Variants in CLSTN1 observed in about 807,000 individuals in gnomAD.
CLSTN1 encodes calsyntenin 1, also known as calsyntenin-1.
CLSTN1 carries 28 observed loss-of-function variants against 108.3 expected under a neutral mutation model. That is an observed-to-expected ratio of 0.26 (90% CI 0.19 to 0.35). The LOEUF (loss-of-function observed/expected upper bound fraction) is 0.35, where lower values mean the gene tolerates loss of function less well. Among genes scored for constraint, CLSTN1 ranks in the 10% least tolerant of loss-of-function variants. The probability of loss-of-function intolerance (pLI) is 1.00; values close to 1 mark genes in which losing one functional copy is unlikely to be tolerated. For synonymous variants in CLSTN1, 524 were observed against 534.9 expected, an observed-to-expected ratio of 0.98 and a Z score of 0.28; for missense variants, 1,157 against 1,302.6, an observed-to-expected ratio of 0.89 and a Z score of 1.72.
chr1:9,735,998 C>T lies in CLSTN1; in HGVS notation c.1621G>A (p.Gly541Ser), dbSNP rs1424213131. The part of the protein sequence containing the change: ...MTQFFRGNLA[G>S]LTLRSGKLAD... ...AGTTTCCCGGAACGGAGAGTTAAGC[C>T]AGCCAGATTGCCTCGGAAAAACTGG... The change falls in exon 12 of 19, where the codon GGC becomes AGC. Residue 541 changes from glycine to serine, a missense_variant. By Grantham distance (56) the Gly-to-Ser change is moderately conservative. Coordinates refer to ENST00000377298, the MANE Select transcript of CLSTN1 (RefSeq NM_001009566.3). The T allele has an allele frequency of 2.5e-6, 4 of 1,614,180 alleles. No individual in the cohort carries two copies. The highest frequency in any genetic ancestry group is 1.1e-5 in the South Asian group (1 of 91,078).
chr1:9,806,953 T>TAC (rs201621099), intron 1 of CLSTN1, among the ~76,000 whole-genome samples: 2,875 of 152,220 alleles, frequency 0.019, 41 homozygotes, highest in Non-Finnish European at 0.03. Context: ...TAAGTCTTTT[T>TAC]ACCTTACTTT....
intron 3 of CLSTN1, among the ~76,000 whole-genome samples, chr1:9,755,901 C>A (rs1453973146): frequency 1.3e-5 from 2 of 152,160 alleles, no homozygotes; most frequent in African/African-American, 4.8e-5. Flanking sequence ...AATACCGACT[C>A]GTCAGGCATC....
chr1:9,824,048 A>G (rs1054230216), upstream of CLSTN1: 1 of 142,342 alleles, frequency 7.0e-6, no homozygotes, highest in African/African-American at 2.6e-5. This position sits in a 1 kb window ranked among gnomAD's most constrained non-coding sequence, Gnocchi z 5.0. Flanking sequence ...ATGGGGAGCG[A>G]CGCGAGGCGC....
At position 9,735,463 on chromosome 1, in the gene CLSTN1, G is replaced by A. The variant is rs770938599; in HGVS notation, c.1883+4C>T. 2.3e-5 allele frequency: 37 copies of A among 1,614,046 alleles called. No homozygotes were observed. The highest frequency in any genetic ancestry group is 2.2e-4 in the East Asian group (10 of 44,892). ...CAGGCCGGCTGTTAAAAATCAGGACGTACTTGATTGTGCTGGTGATTTTGA... is the reference window on the plus strand; with the variant it reads ...CAGGCCGGCTGTTAAAAATCAGGACATACTTGATTGTGCTGGTGATTTTGA... On this transcript the variant is annotated splice_donor_region_variant and intron_variant, in intron 13 of 18. Transcript: ENST00000377298.
chr1:9,799,668 C>T (rs549879178), intron 1 of CLSTN1, among the ~76,000 whole-genome samples: 79 of 147,784 alleles, frequency 5.3e-4, no homozygotes, highest in Admixed American at 4.0e-3. Flanking sequence ...AAATGCCAGG[C>T]GCGGTGACTC....
At chr1:9,749,210 G>A (rs1047163857) in intron 7 of CLSTN1, among the ~76,000 whole-genome samples, 4 of 152,060 alleles carry the variant, frequency 2.6e-5, no homozygotes, top group African/African-American at 9.7e-5. Context: ...GGCCACCAGT[G>A]GTTCTTAAAA....
chr1:9,805,644 A>G (rs2101290565), intron 1 of CLSTN1, among the ~76,000 whole-genome samples: 1 of 152,258 alleles, frequency 6.6e-6, no homozygotes, highest in South Asian at 2.1e-4. Flanking sequence ...AGGCAAGTGG[A>G]TCACCTGAGG....
chr1:9,804,832 A>G (rs1385839326), intron 1 of CLSTN1, among the ~76,000 whole-genome samples: 1 of 152,022 alleles, frequency 6.6e-6, no homozygotes, highest in Non-Finnish European at 1.5e-5. Context: ...ACCCTGTCTT[A>G]AAAAAAGAAA....
In CLSTN1 at chr1:9,733,444, G is replaced by A; in HGVS notation, c.2384C>T (p.Ser795Leu). The A allele has an allele frequency of 1.2e-6, 2 of 1,614,202 alleles. No homozygotes were observed. The highest frequency in any genetic ancestry group is 1.7e-6 in the Non-Finnish European group (2 of 1,180,042). Residue 795 changes from serine to leucine, a missense_variant, in exon 16 of 19, where the codon TCA (serine) becomes TTA (leucine). By Grantham distance (145) the Ser-to-Leu change is moderately radical (BLOSUM62 -2). Coordinates refer to ENST00000377298, the MANE Select transcript of CLSTN1 (RefSeq NM_001009566.3). ...LLDRKFKLICSELNGRYISNE... is the reference protein window; with the variant it reads ...LLDRKFKLICLELNGRYISNE... ...GCTGATGTAGCGGCCATTCAGCTCT[G>A]AGCAGATGAGCTTAAACTTCCGGTC... is the stretch of plus-strand genomic sequence containing the variant.
At chr1:9,809,184 C>A (rs571108724) in intron 1 of CLSTN1, among the ~76,000 whole-genome samples, 8 of 152,324 alleles carry the variant, frequency 5.3e-5, no homozygotes, top group Non-Finnish European at 1.0e-4. Flanking sequence ...GCCACAGATG[C>A]CTCCCAGAGC....
At chr1:9,769,125 GGAAAT>G (rs937816159) in intron 2 of CLSTN1, among the ~76,000 whole-genome samples, 1 of 140,418 alleles carries the variant, frequency 7.1e-6, no homozygotes, top group African/African-American at 2.7e-5. Flanking sequence ...GAGAGAGGAA[GGAAAT>G]GAGAGGGAGA....
rs912521239 is a variant in CLSTN1, at chr1:9,728,936, G to GTTCTT, written c.*1567_*1571dup. 9 of 152,202 alleles carry GTTCTT rather than the reference G, an allele frequency of 5.9e-5. No individual in the cohort carries two copies. Among genetic ancestry groups the GTTCTT allele is most frequent in the Non-Finnish European group, 1.2e-4 (8 of 68,032 alleles). The allele number at this position is 152,202 out of a possible 1,614,324, so 9.4% of individuals were successfully genotyped here. A position where few individuals can be genotyped will look rare whatever the true frequency, so the allele number is the denominator to read the frequency against. ...GAAAAGAAAGAAAAAGCCTTTTTAT[G>GTTCTT]TTCTTTTATGTTCTCGGCTCAAAAA... On this transcript the variant is annotated 3_prime_UTR_variant, in exon 19 of 19. Transcript: ENST00000377298.
intron 1 of CLSTN1, among the ~76,000 whole-genome samples, chr1:9,808,691 C>T (rs1191981833): frequency 2.0e-5 from 3 of 151,992 alleles, no homozygotes; most frequent in South Asian, 2.1e-4. Flanking sequence ...AGAAATAACA[C>T]GTGCCCGAGC....
At chr1:9,760,488 C>T (rs1275414039) in intron 2 of CLSTN1, among the ~76,000 whole-genome samples, 5 of 152,022 alleles carry the variant, frequency 3.3e-5, no homozygotes, top group African/African-American at 1.2e-4. Context: ...GAAGACGGAT[C>T]GGACTGGAGC....
At chr1:9,746,513 C>G (rs892880721) in intron 7 of CLSTN1, among the ~76,000 whole-genome samples, 1 of 152,132 alleles carries the variant, frequency 6.6e-6, no homozygotes, top group Admixed American at 6.6e-5. Flanking sequence ...GTCAAGAGTT[C>G]AAACCAGCCT....
intron 2 of CLSTN1, among the ~76,000 whole-genome samples, chr1:9,770,901 G>GA (rs956146009): frequency 1.3e-5 from 2 of 152,152 alleles, no homozygotes; most frequent in African/African-American, 4.8e-5. Context: ...GCTGAGGCAG[G>GA]AAAATTGCTT....
In CLSTN1 at chr1:9,744,686, G is replaced by A. The variant is rs200750432; in HGVS notation, c.986-43C>T. The A allele has an allele frequency of 5.2e-5, 81 of 1,564,644 alleles. No individual in the cohort carries two copies. In the East Asian group the frequency reaches 1.7e-3, roughly 32 times the overall value. ...GGTGAAACTCATGTGAGGAGCCAGA[G>A]GTCCCGCGCACCTCAAGCCCCCAGG... On this transcript the variant is annotated intron_variant, in intron 7 of 18. Transcript: ENST00000377298.
At chr1:9,776,885 T>C (rs558373017) in intron 1 of CLSTN1, among the ~76,000 whole-genome samples, 1 of 150,538 alleles carries the variant, frequency 6.6e-6, no homozygotes, top group Non-Finnish European at 1.5e-5. Context: ...TATCTATCTA[T>C]CTATCTATCT....
chr1:9,787,473 G>C (rs1240370003), intron 1 of CLSTN1, among the ~76,000 whole-genome samples: 1 of 141,356 alleles, frequency 7.1e-6, no homozygotes, highest in African/African-American at 2.6e-5. Flanking sequence ...GTGTGATCTC[G>C]GCTCACTGCA....
Sources: gnomAD v4.1 joint callset for allele counts (sites outside exome capture counted in the v4.1 genomes callset) on GRCh38, gnomAD v4.1.1 for gene constraint, Gnocchi (gnomAD v3.1) non-coding constraint, MANE v1.5 for transcripts, NCBI Gene and HGNC (gene_info 2026-07-23, HGNC 2026-07-21) for gene names.